Variants in RSU1 observed in about 807,000 individuals in gnomAD.
RSU1 encodes Ras suppressor protein 1.
A neutral mutation model predicts 31.1 loss-of-function variants in RSU1; 26 were observed. The ratio of observed to expected loss-of-function variants is 0.84; its 90% CI spans 0.61 to 1.16. The LOEUF (loss-of-function observed/expected upper bound fraction) is 1.16. RSU1 is among the 50% of genes most tolerant of loss of function. The pLI, the probability that RSU1 is intolerant of heterozygous loss-of-function variation, is 0.00. For synonymous variants in RSU1, 164 were observed against 136.3 expected, an observed-to-expected ratio of 1.20 and a Z score of -1.41; for missense variants, 320 against 339.1, an observed-to-expected ratio of 0.94 and a Z score of 0.44.
intron 7 of RSU1, among the ~76,000 whole-genome samples, chr10:16,724,927 C>G (rs1156863004): frequency 6.6e-6 from 1 of 152,206 alleles, no homozygotes; most frequent in African/African-American, 2.4e-5. Flanking sequence ...AGAAAGCATA[C>G]TGAATGGTTC....
intron 7 of RSU1, among the ~76,000 whole-genome samples, chr10:16,697,090 A>C (rs1478885208): frequency 6.6e-6 from 1 of 152,074 alleles, no homozygotes; most frequent in Non-Finnish European, 1.5e-5. Context: ...GATGTGTCGT[A>C]TTTTATGTGC....
In RSU1 at chr10:16,619,218, G is replaced by A. The variant is rs763909433; in HGVS notation, c.732-25722C>T. Among the ~76,000 whole-genome samples, 3 of 152,216 alleles carry A rather than the reference G, an allele frequency of 2.0e-5. 1 individual carries two copies. Among genetic ancestry groups the A allele is most frequent in the Non-Finnish European group, 2.9e-5 (2 of 68,038 alleles). On this transcript the variant is annotated intron_variant, in intron 8 of 8. Transcript: ENST00000345264. ...AAATATTACTTGATAGAATACTCAC[G>A]TAGTTTACAAAATATTCTATGCCTT... is the stretch of plus-strand genomic sequence containing the variant.
At chr10:16,736,579 C>A (rs1192749607) in intron 7 of RSU1, among the ~76,000 whole-genome samples, 4 of 151,980 alleles carry the variant, frequency 2.6e-5, no homozygotes, top group African/African-American at 7.2e-5. Flanking sequence ...AAAAAGAATT[C>A]ATACAACCAA....
At chr10:16,594,120 TTA>T (rs1163528521) in intron 8 of RSU1, among the ~76,000 whole-genome samples, 3 of 152,332 alleles carry the variant, frequency 2.0e-5, no homozygotes, top group Admixed American at 6.5e-5. Flanking sequence ...AATCGATAAT[TTA>T]TGAGTAATTC....
intron 2 of RSU1, among the ~76,000 whole-genome samples, chr10:16,815,466 T>C (rs1223202290): frequency 2.6e-5 from 4 of 152,204 alleles, no homozygotes; most frequent in Non-Finnish European, 4.4e-5. Context: ...TTTCAGGGTC[T>C]CCTGAACATC....
chr10:16,719,932 T>C (rs1011118249), intron 7 of RSU1, among the ~76,000 whole-genome samples: 4 of 152,234 alleles, frequency 2.6e-5, no homozygotes, highest in East Asian at 3.9e-4. Flanking sequence ...ACATGCTTTA[T>C]GTATATAATC....
At chr10:16,709,455 T>A (rs1050074718) in intron 7 of RSU1, among the ~76,000 whole-genome samples, 16 of 152,178 alleles carry the variant, frequency 1.1e-4, no homozygotes, top group Non-Finnish European at 2.2e-4. Flanking sequence ...GCAATAAACA[T>A]ACGTGTGCAT....
intron 8 of RSU1, among the ~76,000 whole-genome samples, chr10:16,637,087 A>G (rs1463482111): frequency 6.6e-6 from 1 of 152,258 alleles, no homozygotes; most frequent in East Asian, 1.9e-4. Context: ...CAACCAAAGC[A>G]TTACAGATAA....
chr10:16,817,012 C>G lies in RSU1; in HGVS notation c.70G>C (p.Asp24His). The G allele has an allele frequency of 6.2e-7, 1 of 1,614,196 alleles. No homozygotes were observed. Among genetic ancestry groups the G allele is most frequent in the South Asian group, 1.1e-5 (1 of 91,082 alleles). ...TCCAGCATGTTGGAGATGCCCCGGT[C>G]ACTCATGTCCACCTCGGGCTGGTTC... is the stretch of plus-strand genomic sequence containing the variant. ...EKNQPEVDMS[D>H]RGISNMLDVN... The change falls in exon 2 of 9, where the codon GAC (aspartate) becomes CAC (histidine). Residue 24 changes from aspartate (D) to histidine (H), a missense_variant. Transcript: ENST00000345264.
At chr10:16,646,149 G>A (rs1280353870) in intron 8 of RSU1, among the ~76,000 whole-genome samples, 3 of 150,552 alleles carry the variant, frequency 2.0e-5, no homozygotes, top group African/African-American at 4.9e-5. Context: ...GCAACAGCAA[G>A]AAAGCAGTTT....
intron 1 of RSU1, 114 bp downstream of exon 1, chr10:16,817,201 A>T: frequency 2.4e-4 from 142 of 585,476 alleles, no homozygotes; most frequent in Middle Eastern, 5.9e-4. Context: ...TGGGCGTCCG[A>T]GGGCGTCCCA....
At chr10:16,603,384 C>G (rs760241804) in intron 8 of RSU1, among the ~76,000 whole-genome samples, 2 of 152,162 alleles carry the variant, frequency 1.3e-5, no homozygotes, top group Admixed American at 6.5e-5. Context: ...AAAAAAGATG[C>G]TCATTAAACT....
intron 8 of RSU1, among the ~76,000 whole-genome samples, chr10:16,647,872 G>C (rs1307418870): frequency 6.6e-6 from 1 of 152,130 alleles, no homozygotes; most frequent in East Asian, 1.9e-4. Context: ...CACCACATGA[G>C]CTCTTTGGCA....
chr10:16,599,213 T>G (rs1678687184), intron 8 of RSU1, among the ~76,000 whole-genome samples: 1 of 152,246 alleles, frequency 6.6e-6, no homozygotes, highest in Non-Finnish European at 1.5e-5. Flanking sequence ...GGAAAGAGTG[T>G]GGCATACCAT....
At chr10:16,708,216 T>G (rs1158257906) in intron 7 of RSU1, among the ~76,000 whole-genome samples, 1 of 152,180 alleles carries the variant, frequency 6.6e-6, no homozygotes, top group Non-Finnish European at 1.5e-5. Context: ...CATAGTCAAT[T>G]AACATATTTT....
chr10:16,625,597 G>A (rs1001412949), intron 8 of RSU1, among the ~76,000 whole-genome samples: 10 of 152,190 alleles, frequency 6.6e-5, no homozygotes, highest in African/African-American at 2.4e-4. Context: ...AGGCATCACT[G>A]AGTGACCCAC....
chr10:16,722,920 GTA>G (rs1177924700), intron 7 of RSU1, among the ~76,000 whole-genome samples: 1 of 145,728 alleles, frequency 6.9e-6, no homozygotes, highest in African/African-American at 2.5e-5. Context: ...ATACATATAT[GTA>G]TATATACACA....
chr10:16,676,630 A>G lies in RSU1; in HGVS notation c.731+18393T>C, dbSNP rs572557937. On this transcript the variant is annotated intron_variant, in intron 8 of 8. Transcript: ENST00000345264. ...GGATTGACATATTTGTACTCTATTT[A>G]CCAGTGCATTATCTCTAGTCTGAAA... 7.2e-5 allele frequency among the ~76,000 whole-genome samples: 11 copies of G among 152,260 alleles called. No homozygotes were observed. The South Asian group carries it at 1.9e-3, about 26-fold the overall frequency.
intron 7 of RSU1, chr10:16,723,195 A>G (rs1156614072): frequency 1.3e-5 from 2 of 152,122 alleles, no homozygotes; most frequent in African/African-American, 4.8e-5. Flanking sequence ...AACTGTGGGT[A>G]CCATTTTGGT....
Sources: allele counts gnomAD v4.1 joint callset (sites outside exome capture counted in the v4.1 genomes callset), GRCh38; gene constraint gnomAD v4.1.1; transcripts MANE v1.5; gene names NCBI Gene and HGNC (gene_info 2026-07-23, HGNC 2026-07-21).